ARID5B: variants seen among roughly 807,000 people sequenced by gnomAD.
The protein encoded by ARID5B is AT-rich interaction domain 5B.
ARID5B carries 13 observed loss-of-function variants against 97.2 expected under a neutral mutation model. The ratio of observed to expected loss-of-function variants is 0.13; its 90% confidence interval spans 0.09 to 0.21. The LOEUF is 0.21. Ranked by LOEUF, ARID5B falls within the 10% of genes least tolerant of loss-of-function variation. The probability of loss-of-function intolerance (pLI) is 1.00; values close to 1 mark genes in which losing one functional copy is unlikely to be tolerated. For missense variants in ARID5B, 1,210 were observed against 1,465.3 expected (o/e 0.83, Z 2.84); for synonymous variants, 556 against 570.3 (o/e 0.97, Z 0.36).
intron 2 of ARID5B, among the ~76,000 whole-genome samples, chr10:61,932,413 CTTT>C (rs200321468): frequency 2.2e-5 from 3 of 135,492 alleles, no homozygotes; most frequent in Admixed American, 7.3e-5. Flanking sequence ...TTTTCTTTTT[CTTT>C]TTTTTTTTTT....
intron 8 of ARID5B, among the ~76,000 whole-genome samples, 181 bp downstream of exon 8, chr10:62,069,978 G>C (rs1485609416): frequency 6.6e-6 from 1 of 151,760 alleles, no homozygotes; most frequent in Admixed American, 6.6e-5. Context: ...CTTGTTACAG[G>C]GGCTAAAATT....
chr10:61,925,647 G>T (rs1844091011), intron 2 of ARID5B, among the ~76,000 whole-genome samples: 1 of 152,144 alleles, frequency 6.6e-6, no homozygotes, highest in African/African-American at 2.4e-5. Context: ...GGAGGAAAAA[G>T]GTACATGCAT....
At chr10:62,001,612 T>C (rs1284362707) in intron 4 of ARID5B, among the ~76,000 whole-genome samples, 1 of 152,148 alleles carries the variant, frequency 6.6e-6, no homozygotes, top group Non-Finnish European at 1.5e-5. Context: ...CAAGTAGCTA[T>C]GTGAACAGAG....
chr10:61,935,775 C>T (rs549394881), intron 2 of ARID5B, among the ~76,000 whole-genome samples: 18 of 152,164 alleles, frequency 1.2e-4, no homozygotes, highest in Admixed American at 4.6e-4. Flanking sequence ...GTAAATGTAA[C>T]GCACTTTTTA....
chr10:62,044,974 G>A (rs1260892265), intron 4 of ARID5B, among the ~76,000 whole-genome samples: 1 of 152,172 alleles, frequency 6.6e-6, no homozygotes, highest in African/African-American at 2.4e-5. Context: ...TTGTGAATTT[G>A]TAGAAAGATT....
At chr10:61,925,739 C>T (rs1306395131) in intron 2 of ARID5B, among the ~76,000 whole-genome samples, 3 of 152,172 alleles carry the variant, frequency 2.0e-5, no homozygotes, top group Non-Finnish European at 4.4e-5. Context: ...GTCAGGGGAG[C>T]AGGCTGCAGC....
At chr10:62,017,843 T>A (rs1589260020) in intron 4 of ARID5B, among the ~76,000 whole-genome samples, 1 of 152,222 alleles carries the variant, frequency 6.6e-6, no homozygotes, top group African/African-American at 2.4e-5. Context: ...TTGTAATACA[T>A]AAAATATTTG....
chr10:61,933,937 G>C (rs573800627), intron 2 of ARID5B, among the ~76,000 whole-genome samples: 10 of 152,312 alleles, frequency 6.6e-5, no homozygotes, highest in Non-Finnish European at 1.5e-4. Context: ...ATCTATGAAA[G>C]TCCTAGATGG....
At chr10:62,052,890 G>T (rs73276023) in intron 5 of ARID5B, among the ~76,000 whole-genome samples, 1 of 152,172 alleles carries the variant, frequency 6.6e-6, no homozygotes, top group Non-Finnish European at 1.5e-5. Flanking sequence ...AGCTCCTAGG[G>T]ACTGGTCTAA....
At chr10:61,951,308 CTG>C (rs1445646424) in intron 3 of ARID5B, among the ~76,000 whole-genome samples, 3 of 152,334 alleles carry the variant, frequency 2.0e-5, no homozygotes, top group East Asian at 1.9e-4. Context: ...AGTTGCCTCA[CTG>C]TGTGTTTTCA....
At chr10:61,995,274 G>A (rs1231425096) in intron 3 of ARID5B, among the ~76,000 whole-genome samples, 3 of 152,196 alleles carry the variant, frequency 2.0e-5, no homozygotes, top group African/African-American at 7.2e-5. Flanking sequence ...GAATTGGAAG[G>A]GTGAAAATAT....
At chr10:61,973,611 T>TA (rs1589241410) in intron 3 of ARID5B, among the ~76,000 whole-genome samples, 3 of 152,050 alleles carry the variant, frequency 2.0e-5, no homozygotes, top group East Asian at 1.9e-4. Flanking sequence ...GATGCCAGTG[T>TA]AAAAAATGGG....
At chr10:62,057,402 T>C (rs1839870923) in intron 6 of ARID5B, 84 bp downstream of exon 6, 4 of 1,351,826 alleles carry the variant, frequency 3.0e-6, no homozygotes, top group Admixed American at 4.0e-5. Context: ...CTCAGGATTA[T>C]GTTGAAATCC....
chr10:61,940,552 G>A lies in ARID5B; in HGVS notation c.502+144G>A, dbSNP rs767653799. The A allele has an allele frequency of 2.6e-5, 19 of 742,664 alleles. 1 individual carries two copies. The Admixed American group carries it at 3.4e-4, about 13-fold the overall frequency. The allele number at this position is 742,664 out of a possible 1,614,324, so 46.0% of individuals were successfully genotyped here. A position where few individuals can be genotyped will look rare whatever the true frequency, so the allele number is the denominator to read the frequency against. ...TCAAAGGGTCCTAAGAATATGGATGGAGAGATGACTGGATGGGTAAGGGAT... is the reference window on the plus strand; with the variant it reads ...TCAAAGGGTCCTAAGAATATGGATGAAGAGATGACTGGATGGGTAAGGGAT... On this transcript the variant is annotated intron_variant, in intron 3 of 9. Coordinates refer to ENST00000279873, the MANE Select transcript of ARID5B (RefSeq NM_032199.3).
intron 3 of ARID5B, among the ~76,000 whole-genome samples, chr10:61,979,607 C>T (rs1178483990): frequency 6.6e-6 from 1 of 152,154 alleles, no homozygotes; most frequent in East Asian, 1.9e-4. Context: ...GCCAGGACCA[C>T]TGCCCTTCCA....
chr10:62,059,346 CCT>C (rs1564639621), intron 7 of ARID5B, 51 bp downstream of exon 7: 3 of 1,533,874 alleles, frequency 2.0e-6, no homozygotes, highest in Admixed American at 1.7e-5. Flanking sequence ...TAACTTTTCC[CCT>C]CTCTTTGACC....
intron 2 of ARID5B, among the ~76,000 whole-genome samples, chr10:61,908,677 G>A (rs941934665): frequency 2.6e-5 from 4 of 151,818 alleles, no homozygotes; most frequent in African/African-American, 9.7e-5. Flanking sequence ...GTGGGCACCT[G>A]TAGTCCCAGC....
At chr10:62,077,184 G>A (rs1198774490) in intron 8 of ARID5B, among the ~76,000 whole-genome samples, 1 of 152,172 alleles carries the variant, frequency 6.6e-6, no homozygotes, top group Non-Finnish European at 1.5e-5. Flanking sequence ...CCAAAGGACA[G>A]TCAGGTAATT....
intron 3 of ARID5B, among the ~76,000 whole-genome samples, chr10:61,968,874 T>C (rs1838584516): frequency 6.6e-6 from 1 of 152,204 alleles, no homozygotes; most frequent in Non-Finnish European, 1.5e-5. Flanking sequence ...AAGAAAAGCT[T>C]CTATTTATAG....
Sources: gnomAD v4.1 joint callset for allele counts (sites outside exome capture counted in the v4.1 genomes callset) on GRCh38, gnomAD v4.1.1 for gene constraint, MANE v1.5 for transcripts, NCBI Gene and HGNC (gene_info 2026-07-23, HGNC 2026-07-21) for gene names.